PGAP1: variants seen among roughly 807,000 people sequenced by gnomAD.
PGAP1 encodes the protein GPI inositol-deacylase.
In PGAP1, 76 loss-of-function variants were observed where a neutral mutation model predicts 127.0. The ratio of observed to expected loss-of-function variants is 0.60; its 90% CI spans 0.50 to 0.72. The LOEUF is 0.72. Among genes scored for constraint, PGAP1 ranks in the 30% least tolerant of loss-of-function variants. The pLI is 0.00. For missense variants in PGAP1, 982 were observed against 1,071.3 expected, an observed-to-expected ratio of 0.92 and a Z score of 1.16; for synonymous variants, 362 against 366.5, an observed-to-expected ratio of 0.99 and a Z score of 0.14.
intron 6 of PGAP1, among the ~76,000 whole-genome samples, chr2:196,897,733 G>C (rs532929431): frequency 1.3e-5 from 2 of 152,314 alleles, no homozygotes; most frequent in East Asian, 3.9e-4. Context: ...CACCCAACTA[G>C]TAAAAACTCA....
chr2:196,854,151 C>T (rs985135924), intron 20 of PGAP1, among the ~76,000 whole-genome samples: 8 of 152,002 alleles, frequency 5.3e-5, no homozygotes, highest in African/African-American at 1.7e-4. Flanking sequence ...CCCTCCTATG[C>T]CTCCTAAAGT....
Position 196,837,290 on chromosome 2 carries a change from T to C in PGAP1, c.*3944A>G, listed in dbSNP as rs745834766. The C allele has an allele frequency of 2.0e-5, 3 of 152,090 alleles. No individual in the cohort carries two copies. Among genetic ancestry groups the C allele is most frequent in the Non-Finnish European group, 4.4e-5 (3 of 68,012 alleles). The allele number at this position is 152,090 out of a possible 1,614,324, so 9.4% of individuals were successfully genotyped here. ...CAAAGGGTGCTAATAAACAGCAAGA[T>C]GAAATGAATGCACTATACTAAATGT... On this transcript the variant is annotated 3_prime_UTR_variant, in exon 27 of 27. Transcript: ENST00000354764.
In PGAP1 at chr2:196,869,962, A is replaced by G. The variant is rs1389937162; in HGVS notation, c.1767+979T>C. On this transcript the variant is annotated intron_variant, in intron 19 of 26. Transcript: ENST00000354764. ...AAAAAAAAGTGAAAGGAATAAAGCT[A>G]TAATACAAATTTGACTGAATATTAA... Among the ~76,000 whole-genome samples the G allele has an allele frequency of 7.2e-5, 11 of 152,378 alleles. No individual in the cohort carries two copies. In the East Asian group the frequency reaches 1.9e-3, roughly 27 times the overall value.
intron 22 of PGAP1, among the ~76,000 whole-genome samples, chr2:196,846,734 A>C (rs1310191831): frequency 6.6e-6 from 1 of 152,210 alleles, no homozygotes; most frequent in Non-Finnish European, 1.5e-5. Flanking sequence ...GGAAAGATTC[A>C]CAACCACGAA....
intron 24 of PGAP1, 50 bp downstream of exon 24, chr2:196,844,474 C>T: frequency 7.5e-7 from 1 of 1,327,512 alleles, no homozygotes; most frequent in Non-Finnish European, 1.0e-6. Context: ...TTATATTTCC[C>T]CATGTTCTTT....
At chr2:196,872,346 T>C (rs1369139597) in intron 18 of PGAP1, 95 bp downstream of exon 18, 23 of 806,696 alleles carry the variant, frequency 2.9e-5, no homozygotes, top group Admixed American at 1.6e-4. Context: ...ATGCATTGGC[T>C]TCCATGCCAC....
chr2:196,894,363 G>A (rs1420289957), intron 7 of PGAP1, among the ~76,000 whole-genome samples: 4 of 152,068 alleles, frequency 2.6e-5, no homozygotes, highest in Non-Finnish European at 4.4e-5. Context: ...CTCTAGATAC[G>A]GTGTCAGTAG....
Position 196,865,047 on chromosome 2 carries a change from A to G in PGAP1, c.1801T>C (p.Tyr601His). Residue 601 changes from tyrosine (Y) to histidine (H), a missense_variant, in exon 20 of 27, where the codon TAT becomes CAT. Tyr to His is a moderately conservative substitution (Grantham distance 83). Coordinates refer to ENST00000354764, the MANE Select transcript of PGAP1 (RefSeq NM_024989.4). The stretch of plus-strand genomic sequence containing the variant: ...GCAAGAAGGATATTAGATACGACAT[A>G]AGCAGGAAGAGCTCCACCATGAAAT... ...VRFHGGALPA[Y>H]VVSNILLAYR... 2 of 1,571,048 alleles carry G rather than the reference A, an allele frequency of 1.3e-6. No individual in the cohort carries two copies. Among genetic ancestry groups the G allele is most frequent in the East Asian group, 2.3e-5 (1 of 43,030 alleles).
intron 14 of PGAP1, among the ~76,000 whole-genome samples, chr2:196,874,900 T>C (rs1005841102): frequency 6.6e-6 from 1 of 152,012 alleles, no homozygotes; most frequent in South Asian, 2.1e-4. Context: ...CCTGTAGTCC[T>C]AGCTACTCAG....
intron 20 of PGAP1, among the ~76,000 whole-genome samples, chr2:196,863,807 G>A (rs954778834): frequency 6.6e-6 from 1 of 152,050 alleles, no homozygotes; most frequent in African/African-American, 2.4e-5. Context: ...TTGAATTCCT[G>A]ACCTCAGGTG....
At chr2:196,903,115 T>C (rs1014022155) in intron 4 of PGAP1, among the ~76,000 whole-genome samples, 2 of 152,188 alleles carry the variant, frequency 1.3e-5, no homozygotes, top group Non-Finnish European at 2.9e-5. Context: ...GAATTTACCA[T>C]GCTAGAGTTG....
intron 7 of PGAP1, among the ~76,000 whole-genome samples, chr2:196,895,844 C>G (rs900063703): frequency 6.6e-6 from 1 of 152,158 alleles, no homozygotes; most frequent in Non-Finnish European, 1.5e-5. Flanking sequence ...AGAATTGGAG[C>G]CTTCAGGGGA....
chr2:196,841,472 A>G (rs1349219006), intron 26 of PGAP1, 100 bp from the exon 27 acceptor site: 1 of 880,796 alleles, frequency 1.1e-6, no homozygotes, highest in African/African-American at 1.7e-5. Context: ...AAATATTCTA[A>G]GTGAATTTAA....
At chr2:196,879,359 C>G (rs1005798112) in intron 13 of PGAP1, among the ~76,000 whole-genome samples, 1 of 152,164 alleles carries the variant, frequency 6.6e-6, no homozygotes, top group Non-Finnish European at 1.5e-5. Flanking sequence ...GCTCCAGTTA[C>G]ATTTCTCTCC....
At chr2:196,878,559 G>T (rs905954415) in intron 13 of PGAP1, among the ~76,000 whole-genome samples, 1 of 152,028 alleles carries the variant, frequency 6.6e-6, no homozygotes, top group African/African-American at 2.4e-5. Context: ...CCCTTATGAG[G>T]TACCTAGTCT....
At chr2:196,917,852 G>C (rs1192824296) in intron 2 of PGAP1, among the ~76,000 whole-genome samples, 3 of 152,030 alleles carry the variant, frequency 2.0e-5, no homozygotes, top group Non-Finnish European at 4.4e-5. Flanking sequence ...TAGATACCTA[G>C]GAGTGGAATT....
At chr2:196,847,781 C>G (rs947487527) in intron 21 of PGAP1, 166 bp downstream of exon 21, 1 of 461,770 alleles carries the variant, frequency 2.2e-6, no homozygotes, top group African/African-American at 2.1e-5. Context: ...TTGAAGTAGA[C>G]ATTGATATAC....
At chr2:196,872,315 T>C in intron 18 of PGAP1, 126 bp downstream of exon 18, 1 of 616,330 alleles carries the variant, frequency 1.6e-6, no homozygotes, top group East Asian at 2.8e-5. Flanking sequence ...ATTTAAAATA[T>C]TTTAAATGCC....
chr2:196,886,163 T>C (rs1701897058), intron 10 of PGAP1, among the ~76,000 whole-genome samples: 1 of 147,344 alleles, frequency 6.8e-6, no homozygotes, highest in Non-Finnish European at 1.5e-5. Flanking sequence ...ATCTCTTTTT[T>C]TTTTTTTTTT....
Sources: gnomAD v4.1 joint callset for allele counts (sites outside exome capture counted in the v4.1 genomes callset) on GRCh38, gnomAD v4.1.1 for gene constraint, MANE v1.5 for transcripts, NCBI Gene and HGNC (gene_info 2026-07-23, HGNC 2026-07-21) for gene names.